ADGRG4: variants seen among roughly 807,000 people sequenced by gnomAD.
ADGRG4 encodes G protein-coupled receptor 112.
ADGRG4 carries 122 observed loss-of-function variants against 126.2 expected under a neutral mutation model. The observed-to-expected ratio is 0.97, with a 90% confidence interval of 0.83 to 1.12. The LOEUF (loss-of-function observed/expected upper bound fraction) is 1.12, where lower values mean the gene tolerates loss of function less well. ADGRG4 is among the 50% of genes most tolerant of loss of function. The pLI is 0.00. For missense variants in ADGRG4, 2,481 were observed against 2,251.8 expected, an observed-to-expected ratio of 1.10 and a Z score of -2.06; for synonymous variants, 943 against 838.7, an observed-to-expected ratio of 1.12 and a Z score of -2.15.
In ADGRG4 at chrX:136,349,591, G is replaced by A; in HGVS notation, c.5885G>A (p.Arg1962Lys). ...AACCCTTCATTATCAACATCTTTAA[G>A]AGCTATCACTTCCACATTGGCTGAC... ...SENPSLSTSLRAITSTLADVK... is the reference protein window; with the variant it reads ...SENPSLSTSLKAITSTLADVK... The change falls in exon 6 of 26, where the codon AGA becomes AAA. Residue 1962 changes from arginine to lysine, a missense_variant. Physicochemically the swap from Arg to Lys is conservative, Grantham distance 26. Coordinates refer to ENST00000394143, the MANE Select transcript of ADGRG4 (RefSeq NM_153834.4). The A allele has an allele frequency of 8.3e-7, 1 of 1,209,789 alleles. No individual in the cohort carries two copies. Among genetic ancestry groups the A allele is most frequent in the Non-Finnish European group, 1.1e-6 (1 of 894,337 alleles).
Position 136,349,358 on chromosome X carries a change from C to T in ADGRG4, c.5652C>T (p.Asn1884=), listed in dbSNP as rs2075043424. 7.5e-6 allele frequency: 9 copies of T among 1,207,330 alleles called. No individual in the cohort carries two copies. Among genetic ancestry groups the T allele is most frequent in the Non-Finnish European group, 1.0e-5 (9 of 891,706 alleles). Residue 1884 remains asparagine, a synonymous_variant, in exon 6 of 26, where the codon AAC becomes AAT. Transcript: ENST00000394143. ...NTQPLLMTSW[N]IPTAEGSQFP... ...AACCTCTGCTTATGACTTCCTGGAA[C>T]ATACCCACAGCTGAAGGTTCTCAGT...
At chrX:136,323,577 A>AACACACACACACAC (rs138686053) in intron 5 of ADGRG4, among the ~76,000 whole-genome samples, 185 bp downstream of exon 5, 84 of 94,012 alleles carry the variant, frequency 8.9e-4, no homozygotes, top group African/African-American at 3.2e-3. Context: ...AGGATAGAAG[A>AACACACACACACAC]ACACACACAC....
chrX:136,385,917 G>C (rs915814476), intron 15 of ADGRG4, among the ~76,000 whole-genome samples: 2 of 111,401 alleles, frequency 1.8e-5, no homozygotes, highest in South Asian at 7.6e-4. Context: ...TTTGGATCCC[G>C]CTTTCCATTC....
chrX:136,380,565 TTCC>T (rs1233859467), intron 15 of ADGRG4, among the ~76,000 whole-genome samples: 4 of 92,213 alleles, frequency 4.3e-5, no homozygotes, highest in African/African-American at 1.6e-4. Flanking sequence ...CTTCTTCTTC[TTCC>T]TCTTCTTCTT....
chrX:136,348,734 C>T lies in ADGRG4; in HGVS notation c.5028C>T (p.Ala1676=). ...GIVTPFVGTT[A]FSPLSSKSTG... ...TGACTCCATTTGTAGGCACCACTGC[C>T]TTCTCTCCACTCAGTTCTAAGAGCA... is the stretch of plus-strand genomic sequence containing the variant. The change falls in exon 6 of 26, where the codon GCC becomes GCT. Residue 1676 remains alanine (A), a synonymous_variant. Transcript: ENST00000394143. 1.7e-6 allele frequency: 2 copies of T among 1,210,076 alleles called. No individual in the cohort carries two copies. Among genetic ancestry groups the T allele is most frequent in the Non-Finnish European group, 1.1e-6 (1 of 894,902 alleles).
chrX:136,328,592 C>A (rs1225912472), intron 5 of ADGRG4, among the ~76,000 whole-genome samples: 2 of 112,195 alleles, frequency 1.8e-5, no homozygotes, highest in Non-Finnish European at 3.8e-5. Flanking sequence ...AGCATAGCAT[C>A]CCTATATCTG....
At chrX:136,351,609 A>G (rs1012013610) in intron 7 of ADGRG4, 68 bp downstream of exon 7, 7 of 434,237 alleles carry the variant, frequency 1.6e-5, no homozygotes, top group Admixed American at 5.1e-5. Context: ...TATATATATG[A>G]CAGAATATAT....
intron 4 of ADGRG4, among the ~76,000 whole-genome samples, chrX:136,315,673 C>G (rs910735869): frequency 9.0e-6 from 1 of 111,645 alleles, no homozygotes; most frequent in African/African-American, 3.3e-5. Context: ...AGTCCTAACC[C>G]TCAGTACCTC....
In ADGRG4 at chrX:136,344,379, C is replaced by T. The variant is rs779654628; in HGVS notation, c.686-13C>T. The stretch of plus-strand genomic sequence containing the variant: ...CTGAATCCAAAATAACACATTCTTT[C>T]TGATTTTTTTAGTTGTTCCTGAAAA... On this transcript the variant is annotated splice_polypyrimidine_tract_variant and intron_variant, in intron 5 of 25. Coordinates refer to ENST00000394143, the MANE Select transcript of ADGRG4 (RefSeq NM_153834.4). The T allele has an allele frequency of 4.5e-5, 49 of 1,099,000 alleles. No individual in the cohort carries two copies. Among genetic ancestry groups the T allele is most frequent in the Non-Finnish European group, 5.3e-5 (44 of 823,916 alleles). 90.6% of individuals were successfully genotyped at this position (1,099,000 alleles called of 1,213,427 possible). A position where few individuals can be genotyped will look rare whatever the true frequency, so the allele number is the denominator to read the frequency against.
At position 136,395,227 on chromosome X, in the gene ADGRG4, C is replaced by T. The variant is rs1016702117; in HGVS notation, c.8081-163C>T. 2.7e-5 allele frequency among the ~76,000 whole-genome samples: 3 copies of T among 111,717 alleles called. No homozygotes were observed. The Admixed American group carries it at 2.9e-4, about 11-fold the overall frequency. On this transcript the variant is annotated intron_variant, in intron 18 of 25. Transcript: ENST00000394143. ...GAAGTCCCCAAAAAGTCAATTTAGT[C>T]TGTTAGACTTAATTTAATTTCAGTG...
intron 15 of ADGRG4, among the ~76,000 whole-genome samples, chrX:136,383,708 G>T (rs1265291952): frequency 9.1e-6 from 1 of 109,691 alleles, no homozygotes; most frequent in Non-Finnish European, 1.9e-5. Flanking sequence ...TATCCCTCTG[G>T]CTTTTGTTCC....
intron 15 of ADGRG4, among the ~76,000 whole-genome samples, chrX:136,375,949 T>C (rs2075223184): frequency 8.9e-6 from 1 of 112,354 alleles, no homozygotes; most frequent in Non-Finnish European, 1.9e-5. Context: ...TAGTCATGAA[T>C]TCTTTGCCTA....
intron 15 of ADGRG4, among the ~76,000 whole-genome samples, chrX:136,382,272 A>G (rs2087144754): frequency 8.9e-6 from 1 of 112,258 alleles, no homozygotes. Flanking sequence ...ACATAAAATT[A>G]ACAATACTTA....
chrX:136,338,720 T>A (rs1285454935), intron 5 of ADGRG4, among the ~76,000 whole-genome samples: 2 of 112,268 alleles, frequency 1.8e-5, no homozygotes, highest in Non-Finnish European at 3.8e-5. Flanking sequence ...CAGTTGATTA[T>A]CTTTTCTTAC....
intron 21 of ADGRG4, among the ~76,000 whole-genome samples, chrX:136,401,584 C>T (rs1048503801): frequency 2.7e-5 from 3 of 111,257 alleles, no homozygotes; most frequent in Non-Finnish European, 3.8e-5. Context: ...AAGAAAGATA[C>T]AATAAGCCAC....
Position 136,350,353 on chromosome X carries a change from T to C in ADGRG4, c.6647T>C (p.Phe2216Ser), listed in dbSNP as rs761510163. The C allele has an allele frequency of 3.6e-5, 43 of 1,209,122 alleles. No homozygotes were observed. Among genetic ancestry groups the C allele is most frequent in the Non-Finnish European group, 4.8e-5 (43 of 894,565 alleles). The change falls in exon 6 of 26, where the codon TTT (phenylalanine) becomes TCT (serine). Residue 2216 changes from phenylalanine to serine, a missense_variant. Phe to Ser is a radical substitution (Grantham distance 155, BLOSUM62 -2). Coordinates refer to ENST00000394143, the MANE Select transcript of ADGRG4 (RefSeq NM_153834.4). Reference sequence around the variant, plus strand: ...GTGTCTTCACCAATATCGTCCTTTTTTGAAACAACTTGGCTGGACTCCACA... The same window carrying C: ...GTGTCTTCACCAATATCGTCCTTTTCTGAAACAACTTGGCTGGACTCCACA... ...ATVSSPISSF[F>S]ETTWLDSTPS...
chrX:136,326,274 AT>A (rs953967860), intron 5 of ADGRG4, among the ~76,000 whole-genome samples: 38 of 111,919 alleles, frequency 3.4e-4, no homozygotes, highest in African/African-American at 1.1e-3. Flanking sequence ...TACAGGGCAG[AT>A]TTTTTTTCAG....
At chrX:136,391,792 A>T (rs1019451984) in intron 16 of ADGRG4, among the ~76,000 whole-genome samples, 1 of 112,690 alleles carries the variant, frequency 8.9e-6, no homozygotes, top group African/African-American at 3.2e-5. Context: ...CTGTCAGAAT[A>T]GAACAAGAAG....
intron 4 of ADGRG4, among the ~76,000 whole-genome samples, chrX:136,310,686 C>T (rs1001780650): frequency 9.1e-6 from 1 of 110,445 alleles, no homozygotes; most frequent in Non-Finnish European, 1.9e-5. Context: ...GAGTGTGGAG[C>T]AAAACTGTCT....
Sources: allele counts gnomAD v4.1 joint callset (sites outside exome capture counted in the v4.1 genomes callset), GRCh38; gene constraint gnomAD v4.1.1; transcripts MANE v1.5; gene names NCBI Gene and HGNC (gene_info 2026-07-23, HGNC 2026-07-21).